The following HSD17B12 variants were observed in gnomAD, a reference collection of about 807,000 sequenced individuals.
HSD17B12 encodes the protein hydroxysteroid 17-beta dehydrogenase 12.
HSD17B12 carries 32 observed loss-of-function variants against 39.3 expected under a neutral mutation model. The ratio of observed to expected loss-of-function variants is 0.81; its 90% CI spans 0.61 to 1.09. The LOEUF is 1.09. Among genes scored for constraint, HSD17B12 ranks in the 50% least tolerant of loss-of-function variants. The pLI is 0.00. For synonymous variants in HSD17B12, 150 were observed against 146.7 expected (o/e 1.02, Z -0.16); for missense variants, 342 against 382.9 (o/e 0.89, Z 0.89).
chr11:43,615,068 A>G, the HSD17B12 span, among the ~76,000 whole-genome samples: 1 of 151,806 alleles, frequency 6.6e-6, no homozygotes, highest in Non-Finnish European at 1.5e-5. Context: ...GCAAGACTGG[A>G]TTTATTTGTC....
the HSD17B12 span, among the ~76,000 whole-genome samples, chr11:43,670,104 T>G: frequency 6.6e-6 from 1 of 152,326 alleles, no homozygotes; most frequent in Non-Finnish European, 1.5e-5. Flanking sequence ...CTGGGAAGGC[T>G]TTTCAGAGAT....
intron 9 of HSD17B12, chr11:43,853,780 C>G (rs1951556162): frequency 6.6e-6 from 1 of 150,564 alleles, no homozygotes; most frequent in Non-Finnish European, 1.5e-5. Flanking sequence ...CAAGCAAAAC[C>G]CTGCCTCAAA....
At chr11:43,631,799 C>T in the HSD17B12 span, among the ~76,000 whole-genome samples, 1 of 152,040 alleles carries the variant, frequency 6.6e-6, no homozygotes, top group African/African-American at 2.4e-5. Flanking sequence ...ATTCTGATAC[C>T]CTATTGGTAT....
intron 1 of HSD17B12, among the ~76,000 whole-genome samples, chr11:43,750,424 TTTCTC>T (rs1950455299): frequency 6.6e-6 from 1 of 152,180 alleles, no homozygotes; most frequent in African/African-American, 2.4e-5. Flanking sequence ...CTTCTTTTGT[TTTCTC>T]TTTTATTGCT....
chr11:43,757,636 T>G, intron 3 of HSD17B12, among the ~76,000 whole-genome samples: 1 of 16,452 alleles, frequency 6.1e-5, no homozygotes, highest in African/African-American at 3.9e-4. Context: ...CGAGACTCCG[T>G]CTCAAAAAAA....
rs1386415383 is a variant in HSD17B12 at position 43,685,346 on chromosome 11, T to C, written c.160+4359T>C. On this transcript the variant is annotated intron_variant, in intron 1 of 10. Transcript: ENST00000278353. ...AATTTCTGTTTTCACATTGGTTAAC[T>C]GCACAGGGTTAACCTCAAATGACTG... Among the ~76,000 whole-genome samples, 6 of 152,378 alleles carry C rather than the reference T, an allele frequency of 3.9e-5. No individual in the cohort carries two copies. The East Asian group carries it at 1.2e-3, about 29-fold the overall frequency.
At chr11:43,607,931 T>C in the HSD17B12 span, among the ~76,000 whole-genome samples, 1 of 152,154 alleles carries the variant, frequency 6.6e-6, no homozygotes, top group South Asian at 2.1e-4. Flanking sequence ...GACTGTTCCA[T>C]GTAGTGGAAA....
At chr11:43,683,426 G>A (rs1169369868) in intron 1 of HSD17B12, among the ~76,000 whole-genome samples, 1 of 151,784 alleles carries the variant, frequency 6.6e-6, no homozygotes, top group African/African-American at 2.4e-5. Context: ...CAGAAGAAGT[G>A]ATCTTAAAAG....
At chr11:43,722,483 G>A (rs1212268978) in intron 1 of HSD17B12, among the ~76,000 whole-genome samples, 3 of 152,174 alleles carry the variant, frequency 2.0e-5, no homozygotes, top group South Asian at 2.1e-4. Flanking sequence ...AGGCTGAAGC[G>A]GAAGGATTGC....
At chr11:43,609,858 T>A in the HSD17B12 span, among the ~76,000 whole-genome samples, 1 of 152,202 alleles carries the variant, frequency 6.6e-6, no homozygotes, top group East Asian at 1.9e-4. Flanking sequence ...GCTTCTATCA[T>A]CGAGAGTTTG....
chr11:43,801,595 G>GAGATATATATATATAT (rs1471934295), intron 4 of HSD17B12, among the ~76,000 whole-genome samples: 1 of 72,796 alleles, frequency 1.4e-5, no homozygotes, highest in Non-Finnish European at 3.2e-5. Context: ...GATAGTTGGA[G>GAGATATATATATATAT]ATATATATAT....
the HSD17B12 span, among the ~76,000 whole-genome samples, chr11:43,673,554 G>A: frequency 7.6e-6 from 1 of 130,954 alleles, no homozygotes; most frequent in African/African-American, 2.8e-5. Context: ...GTTCAATGGC[G>A]CAATCTCAGC....
intron 4 of HSD17B12, among the ~76,000 whole-genome samples, chr11:43,806,721 T>G (rs1458527294): frequency 1.3e-5 from 2 of 152,164 alleles, no homozygotes; most frequent in Non-Finnish European, 2.9e-5. Flanking sequence ...AGAGGTTTAT[T>G]AATGGGTACA....
At chr11:43,569,408 T>C in the HSD17B12 span, 1 of 152,208 alleles carries the variant, frequency 6.6e-6, no homozygotes, top group African/African-American at 2.4e-5. Flanking sequence ...GTTAAAAAGA[T>C]TTATCCATAA....
At chr11:43,848,228 T>C (rs1352695708) in intron 9 of HSD17B12, among the ~76,000 whole-genome samples, 5 of 152,198 alleles carry the variant, frequency 3.3e-5, no homozygotes, top group Non-Finnish European at 4.4e-5. Flanking sequence ...GAAAAATGGC[T>C]TAAGAATAGT....
chr11:43,722,261 G>T (rs1950182780), intron 1 of HSD17B12, among the ~76,000 whole-genome samples: 1 of 152,144 alleles, frequency 6.6e-6, no homozygotes, highest in African/African-American at 2.4e-5. Flanking sequence ...AAGTGAAATT[G>T]TTTTTATCTT....
intron 4 of HSD17B12, among the ~76,000 whole-genome samples, chr11:43,803,639 C>T (rs1431338025): frequency 1.3e-5 from 2 of 152,056 alleles, no homozygotes; most frequent in Non-Finnish European, 2.9e-5. Context: ...AGCCCTTAGT[C>T]ATGAAAGAAA....
At chr11:43,736,284 GTTT>G (rs377347490) in intron 1 of HSD17B12, among the ~76,000 whole-genome samples, 3 of 149,574 alleles carry the variant, frequency 2.0e-5, no homozygotes, top group Non-Finnish European at 3.0e-5. Flanking sequence ...GCTTTTCACA[GTTT>G]TTTTTTTGTT....
chr11:43,698,051 G>T (rs552765210), intron 1 of HSD17B12, among the ~76,000 whole-genome samples: 1 of 152,296 alleles, frequency 6.6e-6, no homozygotes, highest in African/African-American at 2.4e-5. Context: ...CAGGCATTGG[G>T]TGGTGGTGGC....
Sources: gnomAD v4.1 joint callset for allele counts (sites outside exome capture counted in the v4.1 genomes callset) on GRCh38, gnomAD v4.1.1 for gene constraint, MANE v1.5 for transcripts, NCBI Gene and HGNC (gene_info 2026-07-23, HGNC 2026-07-21) for gene names.